The following SH3PXD2B variants were observed in gnomAD, a reference collection of about 807,000 sequenced individuals.
SH3PXD2B encodes the protein SH3 and PX domains 2B, also known as SH3 and PX domain-containing protein 2B.
SH3PXD2B carries 37 observed loss-of-function variants against 73.1 expected under a neutral mutation model. That is an observed-to-expected ratio of 0.51 (90% CI 0.39 to 0.67). SH3PXD2B has a LOEUF of 0.67. SH3PXD2B is among the 30% of genes least tolerant of loss of function. SH3PXD2B has a pLI of 0.00. For synonymous variants in SH3PXD2B, 457 were observed against 480.5 expected (o/e 0.95, Z 0.64); for missense variants, 1,053 against 1,197.8 (o/e 0.88, Z 1.78).
At chr5:172,348,655 C>CTATCTATCTATCTATG (rs1757063067) in intron 10 of SH3PXD2B, among the ~76,000 whole-genome samples, 1 of 31,992 alleles carries the variant, frequency 3.1e-5, no homozygotes, top group African/African-American at 1.1e-4. Context: ...TCTATCTATC[C>CTATCTATCTATCTATG]TATCTATCTA....
chr5:172,359,201 A>G (rs1757346138), intron 7 of SH3PXD2B, among the ~76,000 whole-genome samples: 1 of 152,104 alleles, frequency 6.6e-6, no homozygotes, highest in Non-Finnish European at 1.5e-5. Context: ...AGCTTGGACA[A>G]CATGACAAAA....
At chr5:172,344,044 A>C (rs1439332706) in intron 12 of SH3PXD2B, among the ~76,000 whole-genome samples, 1 of 152,100 alleles carries the variant, frequency 6.6e-6, no homozygotes, top group Non-Finnish European at 1.5e-5. Context: ...TTCTGTGAAG[A>C]TCAGTTATCA....
chr5:172,386,668 T>C (rs1758067296), intron 4 of SH3PXD2B, among the ~76,000 whole-genome samples: 1 of 152,198 alleles, frequency 6.6e-6, no homozygotes, highest in African/African-American at 2.4e-5. Context: ...TCTGGCTCTG[T>C]GGCCCAGGCT....
At chr5:172,396,198 C>CAAAAAAAA (rs571850981) in intron 3 of SH3PXD2B, among the ~76,000 whole-genome samples, 1 of 78,408 alleles carries the variant, frequency 1.3e-5, no homozygotes, top group Admixed American at 1.6e-4. Context: ...ACTAAAAATA[C>CAAAAAAAA]AAAAAAAAAA....
intron 8 of SH3PXD2B, 79 bp downstream of exon 8, chr5:172,358,694 T>C (rs761022360): frequency 1.3e-4 from 165 of 1,298,460 alleles, no homozygotes; most frequent in Middle Eastern, 2.5e-4. Context: ...AAAGAAGAGA[T>C]TGGATGAAAA....
At chr5:172,436,545 A>G (rs1167928092) in intron 1 of SH3PXD2B, among the ~76,000 whole-genome samples, 1 of 152,226 alleles carries the variant, frequency 6.6e-6, no homozygotes, top group Non-Finnish European at 1.5e-5. Context: ...GACTTGCCCA[A>G]GGTCCTGTAG....
At chr5:172,394,494 T>C in intron 4 of SH3PXD2B, 69 bp downstream of exon 4, 2 of 1,517,218 alleles carry the variant, frequency 1.3e-6, no homozygotes, top group East Asian at 2.3e-5. Context: ...GAGCATCTTG[T>C]AGCCAGAAAA....
chr5:172,390,626 C>G (rs1438733091), intron 4 of SH3PXD2B, among the ~76,000 whole-genome samples: 1 of 152,202 alleles, frequency 6.6e-6, no homozygotes, highest in East Asian at 1.9e-4. Flanking sequence ...CATGCACCAG[C>G]TGATGAACTT....
chr5:172,425,512 C>G (rs79554556), intron 1 of SH3PXD2B, among the ~76,000 whole-genome samples: 3 of 151,716 alleles, frequency 2.0e-5, no homozygotes, highest in African/African-American at 7.3e-5. Context: ...GAGGAAAGGG[C>G]GTACAGGGAA....
chr5:172,425,863 C>T (rs1462895055), intron 1 of SH3PXD2B, among the ~76,000 whole-genome samples: 1 of 152,040 alleles, frequency 6.6e-6, no homozygotes, highest in African/African-American at 2.4e-5. Context: ...TGGAGCGGAC[C>T]AAAGAATGCA....
At chr5:172,367,906 G>C (rs561519059) in intron 6 of SH3PXD2B, among the ~76,000 whole-genome samples, 76 of 152,232 alleles carry the variant, frequency 5.0e-4, no homozygotes, top group African/African-American at 1.4e-3. Flanking sequence ...TGGGGGCCTG[G>C]GTCCCTGCTA....
intron 6 of SH3PXD2B, among the ~76,000 whole-genome samples, chr5:172,369,598 T>C (rs918003471): frequency 2.6e-5 from 4 of 152,116 alleles, no homozygotes; most frequent in African/African-American, 9.7e-5. Flanking sequence ...TGAAATCCCG[T>C]CTGTACTAAA....
chr5:172,352,699 A>G (rs908521313), intron 9 of SH3PXD2B, among the ~76,000 whole-genome samples: 1 of 152,070 alleles, frequency 6.6e-6, no homozygotes, highest in Non-Finnish European at 1.5e-5. Context: ...ACAAGATCTG[A>G]TGGATTTATC....
rs1379578880 is a variant in SH3PXD2B, at chr5:172,335,119, T to A, written c.*3250A>T. ...AACATGTGAGCAAAGGCCTCTTTTA[T>A]CAAGAGGTGGTCTTAGACTCAGGGT... On this transcript the variant is annotated 3_prime_UTR_variant, in exon 13 of 13. Transcript: ENST00000311601. The A allele has an allele frequency of 1.0e-6, 1 of 986,524 alleles. No individual in the cohort carries two copies. Among genetic ancestry groups the A allele is most frequent in the Non-Finnish European group, 1.2e-6 (1 of 830,736 alleles). The allele number at this position is 986,524 out of a possible 1,614,324, so 61.1% of individuals were successfully genotyped here. A position where few individuals can be genotyped will look rare whatever the true frequency, so the allele number is the denominator to read the frequency against.
At chr5:172,433,957 G>C (rs1393747917) in intron 1 of SH3PXD2B, among the ~76,000 whole-genome samples, 1 of 152,166 alleles carries the variant, frequency 6.6e-6, no homozygotes, top group Non-Finnish European at 1.5e-5. Context: ...CCAGTGTCCA[G>C]AGGGCCCCCA....
chr5:172,417,440 C>A (rs1055074043), intron 2 of SH3PXD2B, among the ~76,000 whole-genome samples: 7 of 152,212 alleles, frequency 4.6e-5, no homozygotes, highest in Admixed American at 1.3e-4. Context: ...ATGTGTGGTG[C>A]CTAGATCCAG....
At chr5:172,381,931 G>A (rs918429941) in intron 5 of SH3PXD2B, 105 bp downstream of exon 5, 22 of 854,606 alleles carry the variant, frequency 2.6e-5, no homozygotes, top group Non-Finnish European at 4.0e-5. Flanking sequence ...GGGCTCAGCC[G>A]ACGAAACCCA....
At chr5:172,409,409 CA>C (rs1385019090) in intron 2 of SH3PXD2B, among the ~76,000 whole-genome samples, 2 of 152,020 alleles carry the variant, frequency 1.3e-5, no homozygotes, top group African/African-American at 4.8e-5. Flanking sequence ...CAAAAACACT[CA>C]AAACACTAGA....
At chr5:172,354,555 G>C (rs910987262) in intron 8 of SH3PXD2B, among the ~76,000 whole-genome samples, 1 of 152,156 alleles carries the variant, frequency 6.6e-6, no homozygotes, top group African/African-American at 2.4e-5. Context: ...TGAAGGCTGG[G>C]TGGGAGCCAC....
Sources: allele counts gnomAD v4.1 joint callset (sites outside exome capture counted in the v4.1 genomes callset), GRCh38; gene constraint gnomAD v4.1.1; transcripts MANE v1.5; gene names NCBI Gene and HGNC (gene_info 2026-07-23, HGNC 2026-07-21).